Variants in NAV2 observed in about 807,000 individuals in gnomAD.
NAV2 encodes the protein neuron navigator 2.
NAV2 carries 54 observed loss-of-function variants against 223.2 expected under a neutral mutation model. The observed-to-expected ratio is 0.24, with a 90% CI of 0.19 to 0.30. The LOEUF (loss-of-function observed/expected upper bound fraction) is 0.30, where lower values mean the gene tolerates loss of function less well. Ranked by LOEUF, NAV2 falls within the 10% of genes least tolerant of loss-of-function variation. The pLI is 1.00. For missense variants in NAV2, 2,806 were observed against 3,147.5 expected (o/e 0.89, Z 2.60); for synonymous variants, 1,279 against 1,239.3 (o/e 1.03, Z -0.67).
At chr11:19,784,941 C>T (rs900880024) in intron 1 of NAV2, among the ~76,000 whole-genome samples, 1 of 151,996 alleles carries the variant, frequency 6.6e-6, no homozygotes, top group South Asian at 2.1e-4. Flanking sequence ...TATCTCTGTG[C>T]CTGGGAAGGG....
At chr11:19,617,519 C>G (rs979589867) in intron 1 of NAV2, among the ~76,000 whole-genome samples, 7 of 152,192 alleles carry the variant, frequency 4.6e-5, no homozygotes, top group African/African-American at 1.7e-4. Flanking sequence ...CAAGGGACTT[C>G]CACTCTCATG....
intron 11 of NAV2, among the ~76,000 whole-genome samples, chr11:20,011,681 G>A (rs2153511939): frequency 6.6e-6 from 1 of 152,298 alleles, no homozygotes; most frequent in East Asian, 1.9e-4. Flanking sequence ...ACATTATACA[G>A]CCTCTAAAAA....
intron 11 of NAV2, among the ~76,000 whole-genome samples, chr11:19,995,899 T>C (rs956489646): frequency 6.6e-6 from 1 of 152,128 alleles, no homozygotes; most frequent in South Asian, 2.1e-4. Flanking sequence ...TCAGCACTAA[T>C]AGTGGGTGCT....
chr11:20,035,526 A>G (rs56362798), intron 11 of NAV2, among the ~76,000 whole-genome samples: 2,192 of 152,212 alleles, frequency 0.014, 59 homozygotes, highest in African/African-American at 0.051. Context: ...AGTCTGCAGA[A>G]GTCATACAGC....
intron 1 of NAV2, among the ~76,000 whole-genome samples, chr11:19,776,785 G>A (rs1277473645): frequency 1.3e-5 from 2 of 151,944 alleles, no homozygotes; most frequent in Non-Finnish European, 2.9e-5. Flanking sequence ...GAAAGAAAAT[G>A]CGGATGGAGA....
chr11:19,995,438 C>T (rs998745219), intron 11 of NAV2, among the ~76,000 whole-genome samples: 3 of 152,174 alleles, frequency 2.0e-5, no homozygotes, highest in Non-Finnish European at 2.9e-5. Context: ...TGCCGTGGGG[C>T]CCCCTCTTGT....
chr11:20,016,130 G>A (rs1168405438), intron 11 of NAV2, among the ~76,000 whole-genome samples: 4 of 152,186 alleles, frequency 2.6e-5, no homozygotes, highest in East Asian at 1.9e-4. Context: ...TTTAATTATC[G>A]TTATTGTTGG....
At chr11:19,855,572 A>C (rs2061370410) in intron 3 of NAV2, among the ~76,000 whole-genome samples, 1 of 152,200 alleles carries the variant, frequency 6.6e-6, no homozygotes, top group South Asian at 2.1e-4. Context: ...ACCTGTCCAC[A>C]GTGTCGTCTC....
intron 1 of NAV2, among the ~76,000 whole-genome samples, chr11:19,421,459 T>C (rs1029207006): frequency 2.0e-5 from 3 of 152,182 alleles, no homozygotes; most frequent in Admixed American, 6.5e-5. Context: ...GGATGAACAG[T>C]TTATAATTTA....
chr11:19,417,502 G>A (rs531562777), intron 1 of NAV2, among the ~76,000 whole-genome samples: 4 of 152,216 alleles, frequency 2.6e-5, no homozygotes, highest in Non-Finnish European at 5.9e-5. Flanking sequence ...TGGTGGGATT[G>A]TAAATTAGTT....
chr11:19,587,579 C>G (rs926546065), intron 1 of NAV2, among the ~76,000 whole-genome samples: 14 of 152,294 alleles, frequency 9.2e-5, no homozygotes, highest in African/African-American at 3.4e-4. Flanking sequence ...TTTTGGTCCT[C>G]ATAGAAAACT....
At chr11:19,907,529 G>A (rs1035318725) in intron 6 of NAV2, among the ~76,000 whole-genome samples, 61 of 151,336 alleles carry the variant, frequency 4.0e-4, no homozygotes, top group African/African-American at 1.4e-3. Context: ...ACTCATAGGG[G>A]GAGGGGGAAT....
intron 1 of NAV2, among the ~76,000 whole-genome samples, chr11:19,830,681 C>A (rs1380160508): frequency 6.6e-6 from 1 of 152,226 alleles, no homozygotes; most frequent in Non-Finnish European, 1.5e-5. Context: ...ACAAAACATA[C>A]CCAAATCCCT....
At chr11:19,623,512 A>G (rs2047071576) in intron 1 of NAV2, among the ~76,000 whole-genome samples, 1 of 151,982 alleles carries the variant, frequency 6.6e-6, no homozygotes, top group Non-Finnish European at 1.5e-5. Context: ...CATTTCATTC[A>G]TTTGATCTTT....
intron 1 of NAV2, among the ~76,000 whole-genome samples, chr11:19,577,016 A>C (rs1207235995): frequency 6.6e-6 from 1 of 152,206 alleles, no homozygotes; most frequent in Non-Finnish European, 1.5e-5. Flanking sequence ...TTTGTCTTTT[A>C]CTTCAAGGAA....
At chr11:20,085,757 C>A (rs1310989177) in intron 26 of NAV2, among the ~76,000 whole-genome samples, 1 of 152,246 alleles carries the variant, frequency 6.6e-6, no homozygotes, top group Admixed American at 6.5e-5. Context: ...CACTGCTCAA[C>A]ATTCTGTGTC....
At chr11:19,368,462 A>G (rs1040827082) in intron 1 of NAV2, among the ~76,000 whole-genome samples, 2 of 152,154 alleles carry the variant, frequency 1.3e-5, no homozygotes, top group Non-Finnish European at 2.9e-5. Flanking sequence ...AAGAAACTGG[A>G]CCTGAGGTGT....
At chr11:19,882,842 C>G (rs1406812587) in intron 5 of NAV2, among the ~76,000 whole-genome samples, 1 of 152,136 alleles carries the variant, frequency 6.6e-6, no homozygotes, top group African/African-American at 2.4e-5. Context: ...TGTCCTCATC[C>G]CTTCATCTTG....
chr11:19,685,353 C>A (rs2048993690), intron 1 of NAV2, among the ~76,000 whole-genome samples: 1 of 152,242 alleles, frequency 6.6e-6, no homozygotes, highest in Non-Finnish European at 1.5e-5. Context: ...CTTCCAGACC[C>A]CAGCAGTAGG....
Sources: gnomAD v4.1 joint callset for allele counts (sites outside exome capture counted in the v4.1 genomes callset) on GRCh38, gnomAD v4.1.1 for gene constraint, MANE v1.5 for transcripts, NCBI Gene and HGNC (gene_info 2026-07-23, HGNC 2026-07-21) for gene names.